PARD3B: variants seen among roughly 807,000 people sequenced by gnomAD.
PARD3B encodes the protein partitioning defective 3 homolog B.
Under a neutral mutation model 130.2 loss-of-function variants are expected in PARD3B, and 103 were observed. That is an observed-to-expected ratio of 0.79 (90% CI 0.67 to 0.93). The LOEUF (loss-of-function observed/expected upper bound fraction) is 0.93, where lower values mean the gene tolerates loss of function less well. PARD3B is among the 40% of genes least tolerant of loss of function. The pLI is 0.00. For synonymous variants in PARD3B, 583 were observed against 553.2 expected, an observed-to-expected ratio of 1.05 and a Z score of -0.76; for missense variants, 1,609 against 1,499.2, an observed-to-expected ratio of 1.07 and a Z score of -1.21.
At chr2:205,029,187 C>T (rs781176297) in intron 3 of PARD3B, among the ~76,000 whole-genome samples, 1 of 152,140 alleles carries the variant, frequency 6.6e-6, no homozygotes, top group Non-Finnish European at 1.5e-5. Context: ...TATATATGCA[C>T]TTGGTTTTCA....
In PARD3B at chr2:205,061,489, A is replaced by AAATT. The variant is rs1700059474; in HGVS notation, c.504+13800_504+13803dup. On this transcript the variant is annotated intron_variant, in intron 4 of 22. Coordinates refer to ENST00000406610, the MANE Select transcript of PARD3B (RefSeq NM_001302769.2). ...ACTTACCTCACAGGATTGTCTTGAG[A>AAATT]AATTGATGAGTGATTATTTGTAAAA... is the stretch of plus-strand genomic sequence containing the variant. Among the ~76,000 whole-genome samples, 3 of 152,146 alleles carry AAATT rather than the reference A, an allele frequency of 2.0e-5. No individual in the cohort carries two copies. The South Asian group carries it at 6.2e-4, about 31-fold the overall frequency.
Position 204,738,917 on chromosome 2 carries a change from A to G in PARD3B, c.222+52635A>G, listed in dbSNP as rs1366451738. Among the ~76,000 whole-genome samples, 4 of 152,222 alleles carry G rather than the reference A, an allele frequency of 2.6e-5. No homozygotes were observed. In the East Asian group the frequency reaches 7.7e-4, roughly 29 times the overall value. On this transcript the variant is annotated intron_variant, in intron 2 of 22. Coordinates refer to ENST00000406610, the MANE Select transcript of PARD3B (RefSeq NM_001302769.2). ...TCTCTGGTTTAAGGCCAACTGTATC[A>G]TATAACATAAAATAATTCCAGGGAT...
chr2:204,719,821 GAAAT>G (rs1370148414), intron 2 of PARD3B, among the ~76,000 whole-genome samples: 1 of 152,072 alleles, frequency 6.6e-6, no homozygotes, highest in African/African-American at 2.4e-5. Flanking sequence ...TAAATTATAG[GAAAT>G]AAATAATCAT....
Position 205,558,478 on chromosome 2 carries a change from A to G in PARD3B, c.3260+5075A>G, listed in dbSNP as rs1353839097. The stretch of plus-strand genomic sequence containing the variant: ...TCTACCCCATTAAATTGACTCTTGT[A>G]TGTCAGAGAAAAACAAAGACCCTTG... On this transcript the variant is annotated intron_variant, in intron 22 of 22. Coordinates refer to ENST00000406610, the MANE Select transcript of PARD3B (RefSeq NM_001302769.2). The surrounding 1 kb of genome is among the most constrained non-coding windows in gnomAD (Gnocchi z 4.8). Among the ~76,000 whole-genome samples the G allele has an allele frequency of 1.3e-5, 2 of 152,158 alleles. No individual in the cohort carries two copies. Among genetic ancestry groups the G allele is most frequent in the Admixed American group, 6.5e-5 (1 of 15,278 alleles).
chr2:204,586,760 A>G (rs2032845329), intron 1 of PARD3B, among the ~76,000 whole-genome samples: 1 of 152,144 alleles, frequency 6.6e-6, no homozygotes, highest in Admixed American at 6.6e-5. Context: ...GGCTGTTTTT[A>G]CTATTTGGGA....
At chr2:205,520,339 G>A (rs1010187945) in intron 21 of PARD3B, among the ~76,000 whole-genome samples, 2 of 152,106 alleles carry the variant, frequency 1.3e-5, no homozygotes, top group Non-Finnish European at 2.9e-5. Flanking sequence ...TCCTTGGGTC[G>A]ACTACAGCTT....
chr2:204,563,899 G>A (rs998938691), intron 1 of PARD3B, among the ~76,000 whole-genome samples: 9 of 151,928 alleles, frequency 5.9e-5, no homozygotes, highest in South Asian at 2.1e-4. Context: ...TCAGCCTCCC[G>A]AGTAGCTGGG....
chr2:205,008,236 A>G (rs757480990), intron 3 of PARD3B, among the ~76,000 whole-genome samples: 1 of 152,108 alleles, frequency 6.6e-6, no homozygotes, highest in African/African-American at 2.4e-5. Flanking sequence ...TGAGCTTTAA[A>G]TAATGCATAG....
intron 21 of PARD3B, among the ~76,000 whole-genome samples, chr2:205,544,345 G>T (rs1336345725): frequency 6.6e-6 from 1 of 151,996 alleles, no homozygotes; most frequent in South Asian, 2.1e-4. Context: ...TAGGTAGACA[G>T]ATGGGGGATA....
chr2:205,505,364 C>T (rs1036213099), intron 21 of PARD3B, among the ~76,000 whole-genome samples: 13 of 150,812 alleles, frequency 8.6e-5, no homozygotes, highest in Admixed American at 3.3e-4. Flanking sequence ...ACGCTGTGCA[C>T]GTGTACCCTA....
Position 205,531,915 on chromosome 2 carries a change from GTTGA to G in PARD3B, c.3181-21406_3181-21403del, listed in dbSNP as rs1237646546. On this transcript the variant is annotated intron_variant, in intron 21 of 22. Transcript: ENST00000406610. ...TTATTACAGAGAAGTGGAAGGATGG[GTTGA>G]TTATTTATTATCTTTCCTTCTTTCT... is the stretch of plus-strand genomic sequence containing the variant. Among the ~76,000 whole-genome samples the G allele has an allele frequency of 5.3e-5, 8 of 152,188 alleles. 1 individual carries two copies. The highest frequency in any genetic ancestry group is 1.7e-4 in the African/African-American group (7 of 41,538).
At chr2:205,452,379 C>T (rs2048131091) in intron 20 of PARD3B, among the ~76,000 whole-genome samples, 1 of 152,120 alleles carries the variant, frequency 6.6e-6, no homozygotes, top group South Asian at 2.1e-4. Flanking sequence ...GGGACTTGAA[C>T]AGTGAATACA....
intron 19 of PARD3B, among the ~76,000 whole-genome samples, chr2:205,436,641 G>T (rs1215525597): frequency 6.6e-6 from 1 of 151,926 alleles, no homozygotes; most frequent in Non-Finnish European, 1.5e-5. Context: ...GGGCATAGTG[G>T]TCTAAGGTTA....
chr2:205,146,058 G>A lies in PARD3B; in HGVS notation c.1435-12664G>A, dbSNP rs1161879886. Reference sequence around the variant, plus strand: ...AGCCTGTGGATTGACTGTCCATAGCGAAGGGCACCTGCACATCAGTCGGTG... The same window carrying A: ...AGCCTGTGGATTGACTGTCCATAGCAAAGGGCACCTGCACATCAGTCGGTG... On this transcript the variant is annotated intron_variant, in intron 10 of 22. Coordinates refer to ENST00000406610, the MANE Select transcript of PARD3B (RefSeq NM_001302769.2). This position sits in a 1 kb window ranked among gnomAD's most constrained non-coding sequence, Gnocchi z 4.3. 1.3e-5 allele frequency among the ~76,000 whole-genome samples: 2 copies of A among 152,150 alleles called. No individual in the cohort carries two copies. The highest frequency in any genetic ancestry group is 2.9e-5 in the Non-Finnish European group (2 of 68,036).
chr2:204,783,630 T>G (rs73982516), intron 2 of PARD3B, among the ~76,000 whole-genome samples: 1,525 of 152,226 alleles, frequency 0.01, 29 homozygotes, highest in African/African-American at 0.035. Flanking sequence ...AGAACATTAC[T>G]TTTGCATCAG....
chr2:205,202,132 C>T (rs1249729064), intron 15 of PARD3B, among the ~76,000 whole-genome samples: 1 of 152,068 alleles, frequency 6.6e-6, no homozygotes, highest in African/African-American at 2.4e-5. Flanking sequence ...CAAAATTTAA[C>T]ATGTAATTAT....
rs1270326047 is a variant in PARD3B at position 204,965,228 on chromosome 2, G to T, written c.299G>T (p.Ser100Ile). The change falls in exon 3 of 23, where the codon AGC becomes ATC. Residue 100 changes from serine to isoleucine, a missense_variant. Transcript: ENST00000406610. ...AGTGGAAACCCTGCAGATCGGCAGAGCCCAGATGCTTTTGAGACAGAAGTG... is the reference window on the plus strand; with the variant it reads ...AGTGGAAACCCTGCAGATCGGCAGATCCCAGATGCTTTTGAGACAGAAGTG... ...SPSGNPADRQSPDAFETEVAA... is the reference protein window; with the variant it reads ...SPSGNPADRQIPDAFETEVAA... 5 of 1,613,966 alleles carry T rather than the reference G, an allele frequency of 3.1e-6. No homozygotes were observed. The highest frequency in any genetic ancestry group is 3.4e-6 in the Non-Finnish European group (4 of 1,179,914).
intron 2 of PARD3B, among the ~76,000 whole-genome samples, chr2:204,795,746 A>G (rs759158514): frequency 1.3e-5 from 2 of 152,236 alleles, no homozygotes; most frequent in Non-Finnish European, 2.9e-5. Context: ...TATAGGCACC[A>G]GTTGAATAAA....
chr2:205,157,614 G>A (rs545869320), intron 10 of PARD3B, among the ~76,000 whole-genome samples: 2 of 152,180 alleles, frequency 1.3e-5, no homozygotes, highest in South Asian at 4.2e-4. Context: ...CTGACATTCA[G>A]ACATTCATAG....
Sources: gnomAD v4.1 joint callset for allele counts (sites outside exome capture counted in the v4.1 genomes callset) on GRCh38, gnomAD v4.1.1 for gene constraint, Gnocchi (gnomAD v3.1) non-coding constraint, MANE v1.5 for transcripts, NCBI Gene and HGNC (gene_info 2026-07-23, HGNC 2026-07-21) for gene names.